ASPH: variants seen among roughly 807,000 people sequenced by gnomAD.
ASPH encodes the protein aspartyl/asparaginyl beta-hydroxylase.
ASPH carries 100 observed loss-of-function variants against 118.4 expected under a neutral mutation model. The observed-to-expected ratio is 0.84, with a 90% confidence interval of 0.72 to 1.00. The LOEUF (loss-of-function observed/expected upper bound fraction) is 1.00. ASPH is among the 50% of genes least tolerant of loss of function. The pLI is 0.00. For synonymous variants in ASPH, 315 were observed against 325.6 expected (o/e 0.97, Z 0.35); for missense variants, 920 against 919.5 (o/e 1.00, Z -0.01).
chr8:61,554,270 T>C (rs1335403172), intron 19 of ASPH, among the ~76,000 whole-genome samples: 1 of 152,222 alleles, frequency 6.6e-6, no homozygotes, highest in African/African-American at 2.4e-5. Flanking sequence ...GAGCCAGATA[T>C]GACGTTTCAA....
At chr8:61,671,173 A>T (rs1284340773) in intron 3 of ASPH, among the ~76,000 whole-genome samples, 1 of 152,216 alleles carries the variant, frequency 6.6e-6, no homozygotes, top group East Asian at 1.9e-4. Context: ...ACCACAAGGC[A>T]GGTACGAAAG....
chr8:61,706,516 G>A (rs371705421), intron 1 of ASPH, among the ~76,000 whole-genome samples: 2 of 150,018 alleles, frequency 1.3e-5, no homozygotes, highest in South Asian at 4.3e-4. Flanking sequence ...AGAAAGAAGA[G>A]AAAGCAGGCC....
At chr8:61,706,102 A>G (rs986480532) in intron 1 of ASPH, among the ~76,000 whole-genome samples, 1 of 152,156 alleles carries the variant, frequency 6.6e-6, no homozygotes, top group Non-Finnish European at 1.5e-5. Context: ...TTCAAATAAG[A>G]TTATAAAAAT....
chr8:61,668,177 G>C (rs1588952283), intron 3 of ASPH: 1 of 1,466,594 alleles, frequency 6.8e-7, no homozygotes, highest in East Asian at 2.3e-5. Context: ...AAAATGTCAT[G>C]CATTTTCAAA....
At chr8:61,549,449 A>G (rs1243213313) in intron 20 of ASPH, among the ~76,000 whole-genome samples, 1 of 152,176 alleles carries the variant, frequency 6.6e-6, no homozygotes, top group African/African-American at 2.4e-5. Context: ...TATTTATATC[A>G]TTTAGCAAAC....
chr8:61,689,632 TAGATCTAAAGCC>T (rs774236015), intron 1 of ASPH: 1 of 1,543,856 alleles, frequency 6.5e-7, no homozygotes, highest in African/African-American at 1.4e-5. Flanking sequence ...AGCTGTCAGC[TAGATCTAAAGCC>T]ACTTTTAGCC....
intron 22 of ASPH, among the ~76,000 whole-genome samples, chr8:61,524,780 G>A (rs1057262438): frequency 6.8e-6 from 1 of 146,420 alleles, no homozygotes; most frequent in Admixed American, 6.8e-5. Context: ...AGAAACTACA[G>A]TTTCTAGAAA....
intron 4 of ASPH, among the ~76,000 whole-genome samples, chr8:61,652,529 A>T (rs1184925486): frequency 1.6e-5 from 2 of 127,132 alleles, no homozygotes; most frequent in African/African-American, 2.5e-5. Context: ...GTAATGGGTT[A>T]AAAAAAATGA....
chr8:61,564,309 T>G (rs1361821720), intron 17 of ASPH, among the ~76,000 whole-genome samples: 4 of 151,118 alleles, frequency 2.6e-5, no homozygotes, highest in Non-Finnish European at 5.9e-5. Context: ...TTTTTTTTTT[T>G]TTTTTTTGAG....
chr8:61,523,327 T>C lies in ASPH; in HGVS notation c.1900+2650A>G, dbSNP rs1248682549. Among the ~76,000 whole-genome samples the C allele has an allele frequency of 3.3e-5, 5 of 150,750 alleles. No homozygotes were observed. In the South Asian group the frequency reaches 6.3e-4, roughly 19 times the overall value. Reference sequence around the variant, plus strand: ...TATTTTCTTTCTTTCTTTCTTTTTTTTTTTTTTTTTGACAGTCTCGCTCTG... The same window carrying C: ...TATTTTCTTTCTTTCTTTCTTTTTTCTTTTTTTTTTGACAGTCTCGCTCTG... On this transcript the variant is annotated intron_variant, in intron 22 of 24. Coordinates refer to ENST00000379454, the MANE Select transcript of ASPH (RefSeq NM_004318.4).
intron 4 of ASPH, among the ~76,000 whole-genome samples, chr8:61,652,603 G>T (rs1008039721): frequency 2.4e-4 from 36 of 152,328 alleles, no homozygotes; most frequent in African/African-American, 7.7e-4. Flanking sequence ...GTTGTAGAGG[G>T]GAGAGGGATT....
At chr8:61,604,664 T>C (rs532337062) in intron 14 of ASPH, among the ~76,000 whole-genome samples, 1 of 152,366 alleles carries the variant, frequency 6.6e-6, no homozygotes, top group South Asian at 2.1e-4. Flanking sequence ...AGTTTATTTT[T>C]ATGCAACAGC....
At chr8:61,628,973 T>C (rs1018952846) in intron 13 of ASPH, among the ~76,000 whole-genome samples, 2 of 152,206 alleles carry the variant, frequency 1.3e-5, no homozygotes, top group Admixed American at 1.3e-4. Context: ...ATTTCCACCC[T>C]TGCCCCCAGA....
chr8:61,628,322 GCTTTTTTT>G (rs1853897546), intron 13 of ASPH: 2 of 302,108 alleles, frequency 6.6e-6, no homozygotes, highest in Admixed American at 5.0e-5. Flanking sequence ...ACCAAGCCCG[GCTTTTTTT>G]TTTTTTTTTT....
At chr8:61,523,733 A>G (rs1482935729) in intron 22 of ASPH, among the ~76,000 whole-genome samples, 2 of 152,156 alleles carry the variant, frequency 1.3e-5, no homozygotes, top group Non-Finnish European at 2.9e-5. Flanking sequence ...ATCTTCCTAA[A>G]AGGGAAACTA....
intron 3 of ASPH, among the ~76,000 whole-genome samples, chr8:61,654,963 C>T (rs1812888982): frequency 6.6e-6 from 1 of 152,198 alleles, no homozygotes; most frequent in Non-Finnish European, 1.5e-5. Context: ...AAATTTAGGG[C>T]TGCCCTCCCT....
chr8:61,525,096 C>A (rs886142215), intron 22 of ASPH, among the ~76,000 whole-genome samples: 2 of 152,162 alleles, frequency 1.3e-5, no homozygotes, highest in Non-Finnish European at 2.9e-5. Context: ...TACATAGAAA[C>A]CATTCTGAAA....
chr8:61,659,910 C>A (rs1282637137), intron 3 of ASPH: 4 of 151,796 alleles, frequency 2.6e-5, no homozygotes, highest in African/African-American at 9.7e-5. Flanking sequence ...TATATTCTTT[C>A]AATGGTCTAA....
In ASPH at chr8:61,501,380, T is replaced by C. The variant is rs1804903064; in HGVS notation, c.*1979A>G. 6.6e-6 allele frequency: 1 copy of C among 152,164 alleles called. No individual in the cohort carries two copies. The highest frequency in any genetic ancestry group is 6.5e-5 in the Admixed American group (1 of 15,276). 9.4% of individuals were successfully genotyped at this position (152,164 alleles called of 1,614,324 possible). A position where few individuals can be genotyped will look rare whatever the true frequency, so the allele number is the denominator to read the frequency against. ...GGCAATACTTAGAACCTTACTGTAG[T>C]GACCTGATTTTAAATACCATATTAT... is the stretch of plus-strand genomic sequence containing the variant. On this transcript the variant is annotated 3_prime_UTR_variant, in exon 25 of 25. Transcript: ENST00000379454.
Sources: allele counts gnomAD v4.1 joint callset (sites outside exome capture counted in the v4.1 genomes callset), GRCh38; gene constraint gnomAD v4.1.1; transcripts MANE v1.5; gene names NCBI Gene and HGNC (gene_info 2026-07-23, HGNC 2026-07-21).